Variants in KHDRBS2 observed in about 807,000 individuals in gnomAD.
KHDRBS2 encodes KH domain-containing, RNA-binding, signal transduction-associated protein 2.
Under a neutral mutation model 44.3 loss-of-function variants are expected in KHDRBS2, and 26 were observed. That is an observed-to-expected ratio of 0.59 (90% CI 0.43 to 0.81). The LOEUF (loss-of-function observed/expected upper bound fraction) is 0.81, where lower values mean the gene tolerates loss of function less well. Among genes scored for constraint, KHDRBS2 ranks in the 40% least tolerant of loss-of-function variants. The pLI is 0.00. For missense variants in KHDRBS2, 476 were observed against 433.1 expected, an observed-to-expected ratio of 1.10 and a Z score of -0.88; for synonymous variants, 194 against 151.1, an observed-to-expected ratio of 1.28 and a Z score of -2.08.
rs1201577948 is a variant in KHDRBS2, at chr6:61,871,894, G to T, written c.810+22741C>A. Among the ~76,000 whole-genome samples the T allele has an allele frequency of 2.1e-5, 3 of 144,764 alleles. No homozygotes were observed. The East Asian group carries it at 6.6e-4, about 32-fold the overall frequency. 95.0% of individuals were successfully genotyped at this position (144,764 alleles called of 152,430 possible). A position where few individuals can be genotyped will look rare whatever the true frequency, so the allele number is the denominator to read the frequency against. On this transcript the variant is annotated intron_variant, in intron 6 of 8. Coordinates refer to ENST00000281156, the MANE Select transcript of KHDRBS2 (RefSeq NM_152688.4). Reference sequence around the variant, plus strand: ...CACTCATAATTGGGAACTGAATCGTGAGTACACATGGACACAGGGATGGGA... The same window carrying T: ...CACTCATAATTGGGAACTGAATCGTTAGTACACATGGACACAGGGATGGGA...
chr6:61,802,387 C>T (rs1786421874), intron 6 of KHDRBS2, among the ~76,000 whole-genome samples: 1 of 152,062 alleles, frequency 6.6e-6, no homozygotes, highest in Non-Finnish European at 1.5e-5. Flanking sequence ...AAATTGGTAA[C>T]ATTATTTTAA....
intron 6 of KHDRBS2, among the ~76,000 whole-genome samples, chr6:61,799,570 T>C (rs1420133393): frequency 1.3e-5 from 2 of 152,050 alleles, no homozygotes; most frequent in East Asian, 3.9e-4. Context: ...ACTTTTCAGT[T>C]GTTTTCCTTC....
chr6:62,278,011 T>C (rs1841242867), intron 1 of KHDRBS2, among the ~76,000 whole-genome samples: 1 of 152,226 alleles, frequency 6.6e-6, no homozygotes, highest in African/African-American at 2.4e-5. Context: ...AACATTAATG[T>C]AGAATATCAT....
chr6:62,199,913 C>T (rs952342768), intron 1 of KHDRBS2, among the ~76,000 whole-genome samples: 1 of 152,060 alleles, frequency 6.6e-6, no homozygotes. Context: ...CAGAACAGAG[C>T]CCTCAGAAAT....
At chr6:61,875,891 C>CT (rs1294916850) in intron 6 of KHDRBS2, among the ~76,000 whole-genome samples, 2 of 151,854 alleles carry the variant, frequency 1.3e-5, no homozygotes, top group African/African-American at 4.8e-5. Context: ...ATTTTATACT[C>CT]TTTTTTGTCA....
At chr6:61,608,281 C>T in the KHDRBS2 span, among the ~76,000 whole-genome samples, 1 of 150,476 alleles carries the variant, frequency 6.6e-6, no homozygotes, top group Admixed American at 6.7e-5. Context: ...CACACATACT[C>T]AACTCTCTCC....
chr6:62,270,999 A>G (rs1275576105), intron 1 of KHDRBS2, among the ~76,000 whole-genome samples: 1 of 152,172 alleles, frequency 6.6e-6, no homozygotes, highest in African/African-American at 2.4e-5. Flanking sequence ...ATTTTTTACC[A>G]TATTCCACAG....
the KHDRBS2 span, among the ~76,000 whole-genome samples, chr6:61,557,017 A>G: frequency 8.6e-5 from 13 of 151,294 alleles, no homozygotes; most frequent in African/African-American, 3.2e-4. Flanking sequence ...GTTTTGCACC[A>G]TCAGTGCAAG....
At chr6:61,840,347 G>C (rs756935583) in intron 6 of KHDRBS2, among the ~76,000 whole-genome samples, 11 of 152,058 alleles carry the variant, frequency 7.2e-5, no homozygotes, top group Non-Finnish European at 1.3e-4. Context: ...TATATTTCAA[G>C]ATTCAGCATA....
At chr6:61,948,229 T>C (rs1763999047) in intron 4 of KHDRBS2, among the ~76,000 whole-genome samples, 1 of 152,152 alleles carries the variant, frequency 6.6e-6, no homozygotes, top group Admixed American at 6.6e-5. Flanking sequence ...TTTGTACAGA[T>C]AAATCATGAA....
intron 1 of KHDRBS2, among the ~76,000 whole-genome samples, chr6:62,253,058 C>A (rs1214090513): frequency 6.6e-6 from 1 of 151,980 alleles, no homozygotes; most frequent in African/African-American, 2.4e-5. Flanking sequence ...GGATCACCTA[C>A]CCCAGAGATT....
chr6:61,743,869 A>G (rs1370267603), intron 6 of KHDRBS2, among the ~76,000 whole-genome samples: 1 of 145,390 alleles, frequency 6.9e-6, no homozygotes, highest in African/African-American at 2.6e-5. Context: ...TATGAGTGAG[A>G]ACATGCGGTG....
chr6:62,168,212 G>C (rs1297296035), intron 2 of KHDRBS2, among the ~76,000 whole-genome samples: 1 of 152,098 alleles, frequency 6.6e-6, no homozygotes, highest in Non-Finnish European at 1.5e-5. Flanking sequence ...CTTAAAAAAG[G>C]CCAAATTTGG....
At chr6:61,558,806 A>G in the KHDRBS2 span, among the ~76,000 whole-genome samples, 1 of 152,130 alleles carries the variant, frequency 6.6e-6, no homozygotes, top group Non-Finnish European at 1.5e-5. Context: ...ATTATTTTTG[A>G]ATTGTTTAAG....
chr6:61,865,393 T>C (rs745440035), intron 6 of KHDRBS2, among the ~76,000 whole-genome samples: 14 of 151,786 alleles, frequency 9.2e-5, no homozygotes, highest in African/African-American at 1.5e-4. Context: ...CAAGGAGGAG[T>C]AAGTCATGTC....
chr6:62,026,389 T>A (rs1427479826), intron 3 of KHDRBS2, among the ~76,000 whole-genome samples: 1 of 149,776 alleles, frequency 6.7e-6, no homozygotes, highest in Non-Finnish European at 1.5e-5. Context: ...TTTCTTTCCT[T>A]CTTTAACTAA....
At chr6:61,731,954 T>C (rs1368209534) in intron 7 of KHDRBS2, among the ~76,000 whole-genome samples, 1 of 152,088 alleles carries the variant, frequency 6.6e-6, no homozygotes, top group East Asian at 1.9e-4. Flanking sequence ...AAAAAACAGA[T>C]AGTTGGTTTC....
intron 1 of KHDRBS2, among the ~76,000 whole-genome samples, chr6:62,253,839 T>C (rs1397154690): frequency 6.6e-6 from 1 of 152,010 alleles, no homozygotes; most frequent in East Asian, 1.9e-4. Flanking sequence ...GCATTATTAT[T>C]GCAAAATCAT....
intron 1 of KHDRBS2, among the ~76,000 whole-genome samples, chr6:62,222,109 TA>T (rs2150153003): frequency 6.6e-6 from 1 of 152,190 alleles, no homozygotes; most frequent in South Asian, 2.1e-4. Context: ...AGCTGAATAA[TA>T]AAAAAGTTAA....
Sources: allele counts gnomAD v4.1 joint callset (sites outside exome capture counted in the v4.1 genomes callset), GRCh38; gene constraint gnomAD v4.1.1; transcripts MANE v1.5; gene names NCBI Gene and HGNC (gene_info 2026-07-23, HGNC 2026-07-21).